The following NRG1 variants were observed in gnomAD, a reference collection of about 807,000 sequenced individuals.
NRG1 encodes the protein neuregulin 1.
In NRG1, 18 loss-of-function variants were observed where a neutral mutation model predicts 63.8. The ratio of observed to expected loss-of-function variants is 0.28; its 90% CI spans 0.19 to 0.42. The LOEUF (loss-of-function observed/expected upper bound fraction) is 0.42, where lower values mean the gene tolerates loss of function less well. Ranked by LOEUF, NRG1 falls within the 10% of genes least tolerant of loss-of-function variation. NRG1 has a pLI of 1.00. For missense variants in NRG1, 762 were observed against 814.7 expected, an observed-to-expected ratio of 0.94 and a Z score of 0.79; for synonymous variants, 302 against 301.3, an observed-to-expected ratio of 1.00 and a Z score of -0.02.
chr8:31,791,455 G>A (rs4733274), intron 1 of NRG1, among the ~76,000 whole-genome samples: 1 of 151,896 alleles, frequency 6.6e-6, no homozygotes, highest in Non-Finnish European at 1.5e-5. Context: ...CTCCTATCAA[G>A]AATATTCTTT....
intron 1 of NRG1, among the ~76,000 whole-genome samples, chr8:32,345,654 G>T (rs1242659960): frequency 2.0e-5 from 3 of 152,088 alleles, no homozygotes; most frequent in African/African-American, 7.2e-5. Flanking sequence ...TAAATTAAAA[G>T]TAATACATTC....
At chr8:32,084,053 A>C (rs567978185) in intron 1 of NRG1, among the ~76,000 whole-genome samples, 1 of 152,314 alleles carries the variant, frequency 6.6e-6, no homozygotes, top group African/African-American at 2.4e-5. Flanking sequence ...TAATACATAG[A>C]TAGTACTAGA....
intron 1 of NRG1, among the ~76,000 whole-genome samples, chr8:32,118,687 C>T (rs535473235): frequency 5.3e-4 from 81 of 152,198 alleles, no homozygotes; most frequent in African/African-American, 1.9e-3. Flanking sequence ...ACTAAAATGG[C>T]TGCTTTAAAT....
chr8:32,208,869 A>G (rs533711143), intron 1 of NRG1, among the ~76,000 whole-genome samples: 2 of 152,306 alleles, frequency 1.3e-5, no homozygotes, highest in Middle Eastern at 3.4e-3. Flanking sequence ...GTAATGATCT[A>G]TATGAAAGAC....
chr8:31,936,066 C>T lies in NRG1; in HGVS notation c.37+296635C>T, dbSNP rs375066138. ...ATAGAAGATGGAAAGGCAGCAGTCA[C>T]GGTCACAAAAAAAGGGTCCAGAAAC... On this transcript the variant is annotated intron_variant, in intron 1 of 10. Coordinates refer to the NRG1 transcript ENST00000519301. 7.9e-5 allele frequency among the ~76,000 whole-genome samples: 12 copies of T among 151,978 alleles called. No homozygotes were observed. The East Asian group carries it at 9.7e-4, about 12-fold the overall frequency.
At chr8:32,555,524 T>G (rs985476160) in intron 1 of NRG1, among the ~76,000 whole-genome samples, 1 of 152,182 alleles carries the variant, frequency 6.6e-6, no homozygotes, top group Non-Finnish European at 1.5e-5. Flanking sequence ...CAGGCTGGAG[T>G]GCAGTGGTGC....
At chr8:32,174,912 G>T (rs188784260) in intron 1 of NRG1, among the ~76,000 whole-genome samples, 2 of 152,188 alleles carry the variant, frequency 1.3e-5, no homozygotes. Context: ...ACAAGGAGGA[G>T]CTGGTACCAT....
chr8:32,616,944 G>A lies in NRG1; in HGVS notation c.502+59G>A, dbSNP rs1588717815. Reference sequence around the variant, plus strand: ...TTAACCCAAGGCACTATCTGCTTTGGAAGGTCATGTTCACGTCTATCTTCT... The same window carrying A: ...TTAACCCAAGGCACTATCTGCTTTGAAAGGTCATGTTCACGTCTATCTTCT... On this transcript the variant is annotated intron_variant, in intron 5 of 11. Coordinates refer to ENST00000356819, the Ensembl canonical transcript of NRG1. The A allele has an allele frequency of 3.9e-6, 5 of 1,266,112 alleles. No individual in the cohort carries two copies. The African/African-American group carries it at 5.9e-5, about 15-fold the overall frequency. The allele number at this position is 1,266,112 out of a possible 1,614,324, so 78.4% of individuals were successfully genotyped here.
chr8:31,921,686 T>C (rs1425730889), intron 1 of NRG1, among the ~76,000 whole-genome samples: 1 of 152,160 alleles, frequency 6.6e-6, no homozygotes, highest in Non-Finnish European at 1.5e-5. Context: ...TGGTCATTAG[T>C]TCATTTTGCA....
intron 1 of NRG1, among the ~76,000 whole-genome samples, chr8:32,443,200 C>T (rs1395833900): frequency 1.3e-5 from 2 of 152,086 alleles, no homozygotes; most frequent in Non-Finnish European, 2.9e-5. Flanking sequence ...CCTTGGCTTC[C>T]CAAAGTGCTG....
intron 1 of NRG1, among the ~76,000 whole-genome samples, chr8:32,532,243 T>C (rs1218414488): frequency 6.6e-6 from 1 of 152,200 alleles, no homozygotes; most frequent in Non-Finnish European, 1.5e-5. Context: ...TCAAATATGT[T>C]CACAAGCTAA....
intron 5 of NRG1, among the ~76,000 whole-genome samples, chr8:32,714,070 C>T (rs1005337642): frequency 6.6e-6 from 1 of 152,084 alleles, no homozygotes; most frequent in Non-Finnish European, 1.5e-5. Context: ...AGTGATCTGC[C>T]GACCTCGGCC....
At chr8:32,607,349 T>G (rs2129539900) in intron 3 of NRG1, among the ~76,000 whole-genome samples, 1 of 152,244 alleles carries the variant, frequency 6.6e-6, no homozygotes, top group African/African-American at 2.4e-5. Context: ...CTGGCTTGGT[T>G]CAGTGTGTTT....
At chr8:32,120,483 C>T (rs1438445095) in intron 1 of NRG1, among the ~76,000 whole-genome samples, 16 of 152,036 alleles carry the variant, frequency 1.1e-4, no homozygotes, top group Admixed American at 1.0e-3. Flanking sequence ...TCCTTGCACA[C>T]TGATGATTTC....
At chr8:32,639,132 G>A (rs989084451) in intron 5 of NRG1, among the ~76,000 whole-genome samples, 1 of 152,180 alleles carries the variant, frequency 6.6e-6, no homozygotes, top group Admixed American at 6.5e-5. Flanking sequence ...CTGGCCAGGC[G>A]TGGTGGCTCA....
At chr8:32,743,250 C>A (rs1826761815) in intron 7 of NRG1, 1 of 983,206 alleles carries the variant, frequency 1.0e-6, no homozygotes, top group African/African-American at 1.8e-5. Flanking sequence ...CTTCATTAAC[C>A]AAACAGTTTG....
intron 1 of NRG1, among the ~76,000 whole-genome samples, chr8:32,525,778 G>C (rs1327532836): frequency 2.0e-5 from 3 of 151,896 alleles, no homozygotes; most frequent in African/African-American, 7.3e-5. Flanking sequence ...AATTTTTGAG[G>C]CTTTCTATAA....
chr8:32,651,832 A>G (rs1002620877), intron 5 of NRG1, among the ~76,000 whole-genome samples: 1 of 152,104 alleles, frequency 6.6e-6, no homozygotes, highest in Non-Finnish European at 1.5e-5. Context: ...CTTGGTAACT[A>G]TGTTTGTAGG....
intron 1 of NRG1, among the ~76,000 whole-genome samples, chr8:31,929,588 A>G (rs893331281): frequency 6.6e-6 from 1 of 152,106 alleles, no homozygotes; most frequent in Non-Finnish European, 1.5e-5. Context: ...CTTAAGATGG[A>G]TATTTATTTG....
Sources: gnomAD v4.1 joint callset for allele counts (sites outside exome capture counted in the v4.1 genomes callset) on GRCh38, gnomAD v4.1.1 for gene constraint, MANE v1.5 for transcripts, NCBI Gene and HGNC (gene_info 2026-07-23, HGNC 2026-07-21) for gene names.